TRPC4: variants seen among roughly 807,000 people sequenced by gnomAD.
The protein encoded by TRPC4 is transient receptor potential cation channel subfamily C member 4.
In TRPC4, 49 loss-of-function variants were observed where a neutral mutation model predicts 99.4. The ratio of observed to expected loss-of-function variants is 0.49; its 90% CI spans 0.39 to 0.63. The LOEUF is 0.63. Ranked by LOEUF, TRPC4 falls within the 20% of genes least tolerant of loss-of-function variation. The pLI is 0.00. For synonymous variants in TRPC4, 454 were observed against 425.9 expected, an observed-to-expected ratio of 1.07 and a Z score of -0.81; for missense variants, 898 against 1,152.9, an observed-to-expected ratio of 0.78 and a Z score of 3.20.
chr13:37,724,349 C>T (rs1367761645), intron 3 of TRPC4, among the ~76,000 whole-genome samples: 1 of 152,068 alleles, frequency 6.6e-6, no homozygotes, highest in Non-Finnish European at 1.5e-5. Flanking sequence ...GGGACTATTT[C>T]CCCTAATACA....
chr13:37,746,742 A>C (rs1955798191), intron 2 of TRPC4, among the ~76,000 whole-genome samples: 1 of 151,948 alleles, frequency 6.6e-6, no homozygotes, highest in African/African-American at 2.4e-5. Context: ...GAATGTCTTT[A>C]TTTCTTTTAA....
intron 3 of TRPC4, among the ~76,000 whole-genome samples, chr13:37,735,661 C>T (rs1955373912): frequency 6.6e-6 from 1 of 151,980 alleles, no homozygotes; most frequent in Non-Finnish European, 1.5e-5. Context: ...CATTTGAGGG[C>T]CAAGGGAAGG....
At chr13:37,805,819 TA>T (rs917231473) in intron 1 of TRPC4, among the ~76,000 whole-genome samples, 1 of 152,058 alleles carries the variant, frequency 6.6e-6, no homozygotes, top group African/African-American at 2.4e-5. Flanking sequence ...TCCCTTAGGA[TA>T]AAATATTTCA....
intron 7 of TRPC4, among the ~76,000 whole-genome samples, chr13:37,654,277 T>G (rs1000920411): frequency 6.6e-6 from 1 of 152,146 alleles, no homozygotes; most frequent in Non-Finnish European, 1.5e-5. Flanking sequence ...ATGGGAAAAC[T>G]ATAATTACGA....
rs992836040 is a variant in TRPC4, at chr13:37,792,654, C to T, written c.-27-9294G>A. Among the ~76,000 whole-genome samples the T allele has an allele frequency of 3.3e-5, 5 of 151,442 alleles. No homozygotes were observed. In the East Asian group the frequency reaches 5.8e-4, roughly 18 times the overall value. On this transcript the variant is annotated intron_variant, in intron 1 of 10. Coordinates refer to ENST00000379705, the MANE Select transcript of TRPC4 (RefSeq NM_016179.4). ...GTTTCACAAATGACTTATTTAACAGCAAAATATGTTCAGTGTTTCCCACCA... is the reference window on the plus strand; with the variant it reads ...GTTTCACAAATGACTTATTTAACAGTAAAATATGTTCAGTGTTTCCCACCA...
In TRPC4 at chr13:37,637,567, C is replaced by T; in HGVS notation, c.2270G>A (p.Ser757Asn). 6.2e-7 allele frequency: 1 copy of T among 1,612,418 alleles called. No individual in the cohort carries two copies. Among genetic ancestry groups the T allele is most frequent in the South Asian group, 1.1e-5 (1 of 90,796 alleles). The change falls in exon 11 of 11, where the codon AGC (serine) becomes AAC (asparagine). Residue 757 changes from serine to asparagine, a missense_variant. By Grantham distance (46) the Ser-to-Asn change is conservative. Transcript: ENST00000379705. ...RFEVLGLLRG[S>N]KLSTIQSANA... ...CGCAGATTGTATTGTGGAAAGTTTG[C>T]TTCCTCTTAGTAATCCCAGGACTTC...
At chr13:37,676,976 A>G (rs1047190936) in intron 4 of TRPC4, among the ~76,000 whole-genome samples, 5 of 151,738 alleles carry the variant, frequency 3.3e-5, no homozygotes, top group African/African-American at 1.2e-4. Flanking sequence ...TTTATTTAAA[A>G]GTTTTCTAAC....
intron 1 of TRPC4, among the ~76,000 whole-genome samples, chr13:37,788,787 G>A (rs941500928): frequency 4.6e-5 from 7 of 151,872 alleles, no homozygotes; most frequent in Non-Finnish European, 8.8e-5. Context: ...TAAAATCTAC[G>A]TTGCCAGACC....
At chr13:37,764,537 G>A (rs1956307462) in intron 2 of TRPC4, among the ~76,000 whole-genome samples, 1 of 151,132 alleles carries the variant, frequency 6.6e-6, no homozygotes, top group African/African-American at 2.4e-5. Context: ...AGCTTTTTCA[G>A]TCTTCATATC....
chr13:37,647,975 G>A (rs963568773), intron 8 of TRPC4, among the ~76,000 whole-genome samples: 1 of 151,790 alleles, frequency 6.6e-6, no homozygotes, highest in Non-Finnish European at 1.5e-5. Context: ...ATGGAGTCTC[G>A]CTCTGTCACC....
At chr13:37,771,684 G>C (rs184492717) in intron 2 of TRPC4, among the ~76,000 whole-genome samples, 1 of 151,646 alleles carries the variant, frequency 6.6e-6, no homozygotes, top group African/African-American at 2.4e-5. Context: ...TAGACCATCA[G>C]CAAGTCTTTG....
At chr13:37,832,045 T>C (rs1159027129) in intron 1 of TRPC4, among the ~76,000 whole-genome samples, 1 of 152,184 alleles carries the variant, frequency 6.6e-6, no homozygotes, top group Non-Finnish European at 1.5e-5. Context: ...TAAATGGTCT[T>C]ACCAAAAAGA....
chr13:37,869,275 TGTTTACCATATAA>T (rs1960001547), intron 1 of TRPC4, among the ~76,000 whole-genome samples: 1 of 152,016 alleles, frequency 6.6e-6, no homozygotes, highest in Non-Finnish European at 1.5e-5. Context: ...GCAGCTCCTT[TGTTTACCATATAA>T]GTCACACCGG....
intron 1 of TRPC4, among the ~76,000 whole-genome samples, chr13:37,832,475 G>T (rs1958449877): frequency 6.6e-6 from 1 of 152,066 alleles, no homozygotes; most frequent in African/African-American, 2.4e-5. Flanking sequence ...GGAGACAGAG[G>T]TTGCAGTGAG....
chr13:37,699,650 C>T (rs530170550), intron 3 of TRPC4, among the ~76,000 whole-genome samples: 2 of 152,296 alleles, frequency 1.3e-5, no homozygotes, highest in East Asian at 1.9e-4. Context: ...TCAAAAATTT[C>T]GTACCCAGTC....
At chr13:37,861,927 T>C (rs1233708538) in intron 1 of TRPC4, among the ~76,000 whole-genome samples, 1 of 151,446 alleles carries the variant, frequency 6.6e-6, no homozygotes, top group Non-Finnish European at 1.5e-5. Context: ...CTGGTACCAT[T>C]GGTAGACCTA....
intron 1 of TRPC4, among the ~76,000 whole-genome samples, chr13:37,799,624 A>C (rs568995737): frequency 6.6e-6 from 1 of 152,324 alleles, no homozygotes; most frequent in African/African-American, 2.4e-5. Flanking sequence ...TAAATGGACC[A>C]TGGTGTTTGT....
At chr13:37,819,152 G>T (rs1458838807) in intron 1 of TRPC4, among the ~76,000 whole-genome samples, 2 of 151,900 alleles carry the variant, frequency 1.3e-5, no homozygotes, top group Non-Finnish European at 2.9e-5. Flanking sequence ...CCATCAGAAT[G>T]GCTATTATTA....
intron 2 of TRPC4, among the ~76,000 whole-genome samples, chr13:37,777,393 T>C (rs1956736041): frequency 6.6e-6 from 1 of 151,904 alleles, no homozygotes; most frequent in Non-Finnish European, 1.5e-5. Context: ...GGGGAGCTAC[T>C]ACACACTTTC....
Sources: allele counts gnomAD v4.1 joint callset (sites outside exome capture counted in the v4.1 genomes callset), GRCh38; gene constraint gnomAD v4.1.1; transcripts MANE v1.5; gene names NCBI Gene and HGNC (gene_info 2026-07-23, HGNC 2026-07-21).